Variants in UNC5C observed in about 807,000 individuals in gnomAD.
UNC5C encodes the protein unc-5 netrin receptor C.
UNC5C carries 47 observed loss-of-function variants against 99.8 expected under a neutral mutation model. The ratio of observed to expected loss-of-function variants is 0.47; its 90% CI spans 0.37 to 0.60. The LOEUF is 0.60. UNC5C is among the 20% of genes least tolerant of loss of function. The probability of loss-of-function intolerance (pLI) is 0.00; values close to 1 mark genes in which losing one functional copy is unlikely to be tolerated. For synonymous variants in UNC5C, 487 were observed against 452.2 expected (o/e 1.08, Z -0.98); for missense variants, 1,062 against 1,165.9 (o/e 0.91, Z 1.30).
intron 2 of UNC5C, 127 bp downstream of exon 2, chr4:95,335,283 T>C: frequency 1.1e-6 from 1 of 906,910 alleles, no homozygotes; most frequent in Non-Finnish European, 1.6e-6. Context: ...ACCAAACCAA[T>C]TCAAAACTTT....
At chr4:95,250,738 A>G (rs1739673369) in intron 4 of UNC5C, 71 bp from the exon 5 acceptor site, 14 of 1,460,440 alleles carry the variant, frequency 9.6e-6, no homozygotes, top group African/African-American at 1.4e-5. Context: ...CCTAACCTGC[A>G]TTTTGTACAC....
chr4:95,233,101 G>A (rs577157055), intron 7 of UNC5C, among the ~76,000 whole-genome samples: 11 of 152,266 alleles, frequency 7.2e-5, no homozygotes, highest in African/African-American at 2.6e-4. Flanking sequence ...GGGCTTCTGG[G>A]GGCCCTGGTA....
At chr4:95,203,725 A>G (rs534983750) in intron 11 of UNC5C, among the ~76,000 whole-genome samples, 1 of 152,240 alleles carries the variant, frequency 6.6e-6, no homozygotes, top group East Asian at 1.9e-4. Context: ...TGGCCTCCCA[A>G]AGCGCTGGGA....
In UNC5C at chr4:95,316,616, C is replaced by A. The variant is rs78868180; in HGVS notation, c.347-14867G>T. Among the ~76,000 whole-genome samples the A allele has an allele frequency of 7.3e-4, 111 of 152,196 alleles. No individual in the cohort carries two copies. In the East Asian group the frequency reaches 0.014, roughly 19 times the overall value. On this transcript the variant is annotated intron_variant, in intron 2 of 15. Transcript: ENST00000453304. ...TTAGGTAATAATGCACAGGGAAATA[C>A]CTATCAAAAAATGAGAAGAATAGAA...
intron 1 of UNC5C, among the ~76,000 whole-genome samples, chr4:95,342,170 C>T (rs914300660): frequency 6.6e-6 from 1 of 152,138 alleles, no homozygotes; most frequent in Non-Finnish European, 1.5e-5. Flanking sequence ...TAGTGAGATA[C>T]CAGCCAGGCT....
At chr4:95,481,725 C>G in intron 1 of UNC5C, among the ~76,000 whole-genome samples, 1 of 152,132 alleles carries the variant, frequency 6.6e-6, no homozygotes, top group East Asian at 1.9e-4. Context: ...GCTATCTGAT[C>G]TTTGACGAAC....
chr4:95,215,482 A>G, intron 10 of UNC5C, among the ~76,000 whole-genome samples: 1 of 152,354 alleles, frequency 6.6e-6, no homozygotes, highest in East Asian at 1.9e-4. Context: ...GGACTTCTCA[A>G]TGCCTCTTGT....
chr4:95,336,543 G>T (rs1743344494), intron 1 of UNC5C, among the ~76,000 whole-genome samples: 1 of 151,892 alleles, frequency 6.6e-6, no homozygotes, highest in Admixed American at 6.6e-5. Context: ...CTCACATATT[G>T]TCTTGAAAGT....
At chr4:95,452,969 T>C (rs265044) in intron 1 of UNC5C, among the ~76,000 whole-genome samples, 21,855 of 152,222 alleles carry the variant, frequency 0.14, 1,974 homozygotes, top group African/African-American at 0.25. Flanking sequence ...TATAGGAAAT[T>C]GAATGTGGTT....
chr4:95,356,227 A>C (rs1373161176), intron 1 of UNC5C, among the ~76,000 whole-genome samples: 1 of 137,682 alleles, frequency 7.3e-6, no homozygotes, highest in Non-Finnish European at 1.7e-5. Context: ...ACAAAAAAAA[A>C]ACAGATTCCT....
At position 95,206,701 on chromosome 4, in the gene UNC5C, T is replaced by C. The variant is rs759944822; in HGVS notation, c.1829A>G (p.His610Arg). Reference sequence around the variant, plus strand: ...CTCGGTATTGGGGTCTGCGCAGTGATGCATAGTGAGGACGACTGGGCGGGT... The same window carrying C: ...CTCGGTATTGGGGTCTGCGCAGTGACGCATAGTGAGGACGACTGGGCGGGT... ...LLTRPVVLTMHHCADPNTEDW... is the reference protein window; with the variant it reads ...LLTRPVVLTMRHCADPNTEDW... Residue 610 changes from histidine to arginine, a missense_variant, in exon 11 of 16, where the codon CAT (histidine) becomes CGT (arginine). This residue lies in a region of UNC5C where 810 missense variants were observed against 854.5 expected (regional missense o/e 0.95). Transcript: ENST00000453304. The C allele has an allele frequency of 1.9e-6, 3 of 1,614,080 alleles. No homozygotes were observed. The highest frequency in any genetic ancestry group is 4.5e-5 in the East Asian group (2 of 44,856).
At chr4:95,500,349 T>C (rs537693445) in intron 1 of UNC5C, among the ~76,000 whole-genome samples, 178 of 152,198 alleles carry the variant, frequency 1.2e-3, no homozygotes, top group African/African-American at 4.1e-3. Context: ...ACAGGGACTA[T>C]AGAAGTGTTT....
chr4:95,173,271 C>T (rs1367898834), intron 14 of UNC5C, among the ~76,000 whole-genome samples: 1 of 133,766 alleles, frequency 7.5e-6, no homozygotes, highest in Admixed American at 8.4e-5. Context: ...GAACTTCCAA[C>T]ACTATGTTGA....
At chr4:95,314,223 G>T (rs771748244) in intron 2 of UNC5C, among the ~76,000 whole-genome samples, 4 of 152,144 alleles carry the variant, frequency 2.6e-5, no homozygotes, top group Non-Finnish European at 5.9e-5. Context: ...GTGGACTCGG[G>T]CAAGTCAAGT....
chr4:95,245,709 T>C (rs984193452), intron 5 of UNC5C, among the ~76,000 whole-genome samples: 1 of 152,238 alleles, frequency 6.6e-6, no homozygotes, highest in African/African-American at 2.4e-5. Context: ...TTGAGTTACT[T>C]GGCGATTAGT....
At chr4:95,388,589 C>T (rs1745274088) in intron 1 of UNC5C, among the ~76,000 whole-genome samples, 1 of 152,128 alleles carries the variant, frequency 6.6e-6, no homozygotes, top group South Asian at 2.1e-4. Flanking sequence ...TTCTTAACTC[C>T]TGGTGATGAG....
chr4:95,313,030 C>A (rs1263918734), intron 2 of UNC5C, among the ~76,000 whole-genome samples: 2 of 151,988 alleles, frequency 1.3e-5, no homozygotes, highest in South Asian at 2.1e-4. Flanking sequence ...TTCAGATGGA[C>A]AGATTGAGGG....
chr4:95,402,846 G>A (rs1468953504), intron 1 of UNC5C, among the ~76,000 whole-genome samples: 2 of 152,168 alleles, frequency 1.3e-5, no homozygotes, highest in East Asian at 3.9e-4. Context: ...CTAGTCTAAA[G>A]AGATTGCTCC....
chr4:95,421,462 G>C (rs1030188603), intron 1 of UNC5C, among the ~76,000 whole-genome samples: 18 of 150,854 alleles, frequency 1.2e-4, no homozygotes, highest in African/African-American at 4.4e-4. Flanking sequence ...TTGAATGCTT[G>C]TTGTTCTTTC....
Sources: allele counts gnomAD v4.1 joint callset (sites outside exome capture counted in the v4.1 genomes callset), GRCh38; gene constraint gnomAD v4.1.1; regional missense constraint gnomAD v4.1.1; transcripts MANE v1.5; gene names NCBI Gene and HGNC (gene_info 2026-07-23, HGNC 2026-07-21).